Variants in ITGB8 observed in about 807,000 individuals in gnomAD.
The protein encoded by ITGB8 is integrin beta-8.
In ITGB8, 30 loss-of-function variants were observed where a neutral mutation model predicts 89.5. The observed-to-expected ratio is 0.34, with a 90% CI of 0.25 to 0.45. ITGB8 has a LOEUF of 0.45. ITGB8 is among the 20% of genes least tolerant of loss of function. The probability of loss-of-function intolerance (pLI) is 1.00; values close to 1 mark genes in which losing one functional copy is unlikely to be tolerated. For missense variants in ITGB8, 836 were observed against 933.3 expected, an observed-to-expected ratio of 0.90 and a Z score of 1.36; for synonymous variants, 335 against 320.4, an observed-to-expected ratio of 1.05 and a Z score of -0.49.
At chr7:20,335,676 C>T (rs550643396) in intron 1 of ITGB8, among the ~76,000 whole-genome samples, 3 of 152,344 alleles carry the variant, frequency 2.0e-5, no homozygotes, top group Non-Finnish European at 2.9e-5. Context: ...TTCTTCTCCT[C>T]ACCTTCTCTT....
intron 8 of ITGB8, among the ~76,000 whole-genome samples, chr7:20,396,675 C>G (rs891609562): frequency 6.6e-6 from 1 of 152,052 alleles, no homozygotes; most frequent in African/African-American, 2.4e-5. Context: ...TAGTCTGTTC[C>G]CAAGAATAAT....
chr7:20,336,357 C>A (rs1784578155), intron 1 of ITGB8, among the ~76,000 whole-genome samples: 1 of 152,186 alleles, frequency 6.6e-6, no homozygotes, highest in Non-Finnish European at 1.5e-5. Flanking sequence ...GAATATTTAT[C>A]TCTAAACCTG....
chr7:20,390,198 A>G (rs997804249), intron 6 of ITGB8, among the ~76,000 whole-genome samples: 2 of 152,166 alleles, frequency 1.3e-5, no homozygotes, highest in Non-Finnish European at 2.9e-5. Flanking sequence ...AGCAAAAACT[A>G]TGGAGTAATT....
chr7:20,413,339 A>G lies in ITGB8; in HGVS notation c.*3342A>G, dbSNP rs1787828700. Reference sequence around the variant, plus strand: ...TGGATGCATGAGATGCAATCCTTCAAAGAATGAATCTGAAATATATTTTTA... The same window carrying G: ...TGGATGCATGAGATGCAATCCTTCAGAGAATGAATCTGAAATATATTTTTA... On this transcript the variant is annotated 3_prime_UTR_variant, in exon 14 of 14. Transcript: ENST00000222573. The G allele has an allele frequency of 1.3e-5, 2 of 152,598 alleles. No individual in the cohort carries two copies. Among genetic ancestry groups the G allele is most frequent in the South Asian group, 2.1e-4 (1 of 4,830 alleles). The allele number at this position is 152,598 out of a possible 1,614,324, so 9.5% of individuals were successfully genotyped here. A position where few individuals can be genotyped will look rare whatever the true frequency, so the allele number is the denominator to read the frequency against.
At chr7:20,387,668 C>T (rs1786682927) in intron 6 of ITGB8, among the ~76,000 whole-genome samples, 1 of 152,140 alleles carries the variant, frequency 6.6e-6, no homozygotes, top group African/African-American at 2.4e-5. Flanking sequence ...GTGTTGAGAC[C>T]AGGGTGCTGT....
intron 1 of ITGB8, among the ~76,000 whole-genome samples, chr7:20,333,023 T>A: frequency 6.6e-6 from 1 of 152,064 alleles, no homozygotes; most frequent in East Asian, 1.9e-4. Flanking sequence ...CAAGGAGAGT[T>A]TAATTAATAG....
chr7:20,352,919 C>A (rs796807506), intron 1 of ITGB8: 11 of 152,270 alleles, frequency 7.2e-5, no homozygotes, highest in African/African-American at 2.6e-4. Flanking sequence ...AGAGCTTTTT[C>A]AATGCAAAGT....
At chr7:20,386,077 A>C (rs181777058) in intron 6 of ITGB8, among the ~76,000 whole-genome samples, 54 of 152,346 alleles carry the variant, frequency 3.5e-4, no homozygotes, top group African/African-American at 1.3e-3. Flanking sequence ...ATGCAAATTC[A>C]TGGAACACTT....
At chr7:20,399,120 C>G (rs6945675) in intron 9 of ITGB8, 126 bp downstream of exon 9, 583,989 of 930,110 alleles carry the variant, frequency 0.63, 188,954 homozygotes, top group East Asian at 0.99. Context: ...ATTTATACTT[C>G]AAGGAAACTT....
At chr7:20,373,359 G>C (rs1361080094) in intron 3 of ITGB8, among the ~76,000 whole-genome samples, 1 of 152,066 alleles carries the variant, frequency 6.6e-6, no homozygotes, top group Non-Finnish European at 1.5e-5. Context: ...TAAGGAAACT[G>C]GATATTAACT....
chr7:20,407,175 G>T (rs935602561), intron 12 of ITGB8, among the ~76,000 whole-genome samples: 1 of 151,988 alleles, frequency 6.6e-6, no homozygotes, highest in Non-Finnish European at 1.5e-5. Flanking sequence ...ATGGAAGTAC[G>T]TTGCATGGGA....
In ITGB8 at chr7:20,414,555, T is replaced by C. The variant is rs1013812273; in HGVS notation, c.*4558T>C. ...TAGGTTTTGCAGCATCTTACATGTC[T>C]TGTATCAATGGCAGGAGAAAAATAT... is the stretch of plus-strand genomic sequence containing the variant. On this transcript the variant is annotated 3_prime_UTR_variant, in exon 14 of 14. Coordinates refer to ENST00000222573, the MANE Select transcript of ITGB8 (RefSeq NM_002214.3). 1.3e-5 allele frequency: 2 copies of C among 152,576 alleles called. No individual in the cohort carries two copies. Among genetic ancestry groups the C allele is most frequent in the African/African-American group, 4.8e-5 (2 of 41,452 alleles). The allele number at this position is 152,576 out of a possible 1,614,324, so 9.5% of individuals were successfully genotyped here.
chr7:20,336,301 G>A (rs575861129), intron 1 of ITGB8, among the ~76,000 whole-genome samples: 3 of 152,208 alleles, frequency 2.0e-5, no homozygotes, highest in Admixed American at 6.5e-5. Flanking sequence ...CACCACACCC[G>A]GCCCAGTCTT....
At chr7:20,407,348 A>T (rs890906056) in intron 12 of ITGB8, among the ~76,000 whole-genome samples, 1 of 132,974 alleles carries the variant, frequency 7.5e-6, no homozygotes, top group African/African-American at 3.3e-5. Flanking sequence ...AAGCTGTTTA[A>T]AAAAAAAAAA....
chr7:20,338,769 C>G (rs1784657292), intron 1 of ITGB8, among the ~76,000 whole-genome samples: 1 of 152,060 alleles, frequency 6.6e-6, no homozygotes, highest in East Asian at 1.9e-4. Context: ...TAACTAAATC[C>G]CTTTTGGTAA....
Position 20,404,614 on chromosome 7 carries a change from T to C in ITGB8, c.1688-14T>C. On this transcript the variant is annotated splice_polypyrimidine_tract_variant and intron_variant, in intron 10 of 13. Coordinates refer to ENST00000222573, the MANE Select transcript of ITGB8 (RefSeq NM_002214.3). ...GATCCAGATAACATAGGTCCTGCGG[T>C]GTCTTCCTCACAGGGCATGGAGAGT... The C allele has an allele frequency of 6.2e-7, 1 of 1,606,692 alleles. No homozygotes were observed. The highest frequency in any genetic ancestry group is 8.5e-7 in the Non-Finnish European group (1 of 1,174,418).
At chr7:20,389,202 A>G (rs1297010019) in intron 6 of ITGB8, among the ~76,000 whole-genome samples, 2 of 152,228 alleles carry the variant, frequency 1.3e-5, no homozygotes, top group Admixed American at 1.3e-4. Context: ...GAATCACCAC[A>G]CTGTCTTCCA....
At chr7:20,383,206 G>T (rs1329806313) in intron 6 of ITGB8, among the ~76,000 whole-genome samples, 1 of 152,156 alleles carries the variant, frequency 6.6e-6, no homozygotes, top group Non-Finnish European at 1.5e-5. Context: ...AGTGGCAATT[G>T]TATTACCATA....
intron 1 of ITGB8, among the ~76,000 whole-genome samples, chr7:20,336,898 A>C (rs897170079): frequency 6.6e-6 from 1 of 152,246 alleles, no homozygotes; most frequent in African/African-American, 2.4e-5. Context: ...AAAATTGGGC[A>C]GCTAAGCAAA....
Sources: allele counts gnomAD v4.1 joint callset (sites outside exome capture counted in the v4.1 genomes callset), GRCh38; gene constraint gnomAD v4.1.1; transcripts MANE v1.5; gene names NCBI Gene and HGNC (gene_info 2026-07-23, HGNC 2026-07-21).